Variants in PRIM2 observed in about 807,000 individuals in gnomAD.
PRIM2 encodes the protein DNA primase subunit 2, also known as DNA primase large subunit.
A neutral mutation model predicts 67.3 loss-of-function variants in PRIM2; 39 were observed. The observed-to-expected ratio is 0.58, with a 90% CI of 0.45 to 0.76. The LOEUF is 0.76. Among genes scored for constraint, PRIM2 ranks in the 30% least tolerant of loss-of-function variants. The pLI is 0.00. For missense variants in PRIM2, 398 were observed against 598.7 expected, an observed-to-expected ratio of 0.66 and a Z score of 3.50; for synonymous variants, 143 against 198.7, an observed-to-expected ratio of 0.72 and a Z score of 2.36.
chr6:57,266,552 A>G, the PRIM2 span, among the ~76,000 whole-genome samples: 28 of 152,230 alleles, frequency 1.8e-4, no homozygotes, highest in African/African-American at 6.3e-4. Flanking sequence ...CATATAACAT[A>G]TAGCGCAGAT....
At chr6:57,284,253 T>C in the PRIM2 span, among the ~76,000 whole-genome samples, 1 of 152,192 alleles carries the variant, frequency 6.6e-6, no homozygotes, top group East Asian at 1.9e-4. Flanking sequence ...ACTTAAATGT[T>C]TGCATGTCAG....
At chr6:57,627,663 A>T (rs1232129590) in intron 12 of PRIM2, among the ~76,000 whole-genome samples, 1 of 152,168 alleles carries the variant, frequency 6.6e-6, no homozygotes, top group Non-Finnish European at 1.5e-5. Flanking sequence ...CTGGGATTAC[A>T]GGTGTGAGCC....
At position 57,439,037 on chromosome 6, in the gene PRIM2, G is replaced by T. The variant is rs538582445; in HGVS notation, c.693+56869G>T. 6.0e-4 allele frequency among the ~76,000 whole-genome samples: 91 copies of T among 152,184 alleles called. 1 individual carries two copies. Among genetic ancestry groups the T allele is most frequent in the Middle Eastern group, 3.4e-3 (1 of 294 alleles). On this transcript the variant is annotated intron_variant, in intron 7 of 13. Coordinates refer to ENST00000615550, the MANE Select transcript of PRIM2 (RefSeq NM_000947.5). ...TGTTTGAGCTTTTTAAGGAAATGTTGCATCTTAGGATAGAAATCACTTAGT... is the reference window on the plus strand; with the variant it reads ...TGTTTGAGCTTTTTAAGGAAATGTTTCATCTTAGGATAGAAATCACTTAGT...
the PRIM2 span, among the ~76,000 whole-genome samples, chr6:57,300,936 G>A: frequency 2.6e-5 from 4 of 152,132 alleles, no homozygotes; most frequent in Non-Finnish European, 1.5e-5. Context: ...GGAGATTTTG[G>A]AGAAATAGGT....
intron 8 of PRIM2, among the ~76,000 whole-genome samples, chr6:57,528,769 G>A (rs1443529359): frequency 6.6e-6 from 1 of 152,162 alleles, no homozygotes. Flanking sequence ...TCCTCTACAG[G>A]ATCATGCTGT....
At chr6:57,555,356 T>A (rs1775492266) in intron 10 of PRIM2, among the ~76,000 whole-genome samples, 1 of 152,126 alleles carries the variant, frequency 6.6e-6, no homozygotes, top group Non-Finnish European at 1.5e-5. Flanking sequence ...CTTGGCTCAC[T>A]GCAAGCTCCA....
chr6:57,382,034 C>T lies in PRIM2; in HGVS notation c.559C>T (p.Pro187Ser), dbSNP rs780401401. Reference protein sequence around the residue: ...KLGFESIYKIPFADALDLFRG... With the variant: ...KLGFESIYKISFADALDLFRG... ...GCCTGTTTTACTCTTAATTCAGATC[C>T]CTTTTGCTGATGCTCTGGATTTGTT... The change falls in exon 7 of 14, where the codon CCT becomes TCT. Residue 187 changes from proline to serine, a missense_variant. Physicochemically the swap from Pro to Ser is moderately conservative, Grantham distance 74. This residue lies in a region of PRIM2 where 229 missense variants were observed against 383.6 expected (regional missense o/e 0.60). Transcript: ENST00000615550. The T allele has an allele frequency of 6.2e-7, 1 of 1,608,572 alleles. No individual in the cohort carries two copies. Among genetic ancestry groups the T allele is most frequent in the Non-Finnish European group, 8.5e-7 (1 of 1,176,884 alleles).
chr6:57,282,597 G>A, the PRIM2 span, among the ~76,000 whole-genome samples: 1 of 152,098 alleles, frequency 6.6e-6, no homozygotes, highest in Non-Finnish European at 1.5e-5. Context: ...TTGAAGATAG[G>A]GTCTTTAAAG....
chr6:57,497,301 A>G (rs1194068619), intron 7 of PRIM2, among the ~76,000 whole-genome samples: 7 of 152,282 alleles, frequency 4.6e-5, no homozygotes, highest in Admixed American at 3.9e-4. Flanking sequence ...TATCCAAGGG[A>G]GAAAAGTCAG....
chr6:57,588,876 G>C (rs1313979674), intron 10 of PRIM2, among the ~76,000 whole-genome samples: 2 of 152,086 alleles, frequency 1.3e-5, no homozygotes, highest in Admixed American at 1.3e-4. Flanking sequence ...TGGAAAGTCA[G>C]TTCCACCCCT....
chr6:57,534,707 G>A (rs1245586265), intron 9 of PRIM2, among the ~76,000 whole-genome samples: 2 of 152,164 alleles, frequency 1.3e-5, no homozygotes, highest in Admixed American at 6.5e-5. Flanking sequence ...GGCCTCTGAA[G>A]CCATATGTGC....
At chr6:57,633,034 A>G (rs1777061133) in intron 13 of PRIM2, among the ~76,000 whole-genome samples, 1 of 152,244 alleles carries the variant, frequency 6.6e-6, no homozygotes, top group Non-Finnish European at 1.5e-5. Flanking sequence ...AGAGGCCTAC[A>G]GAGATGGGGC....
intron 8 of PRIM2, among the ~76,000 whole-genome samples, chr6:57,515,110 A>G (rs1774455286): frequency 6.6e-6 from 1 of 152,230 alleles, no homozygotes; most frequent in Non-Finnish European, 1.5e-5. Flanking sequence ...AAAGTGGTCA[A>G]CTTTTAAAAT....
At chr6:57,429,385 G>T (rs1276012548) in intron 7 of PRIM2, among the ~76,000 whole-genome samples, 3 of 152,130 alleles carry the variant, frequency 2.0e-5, no homozygotes, top group African/African-American at 7.2e-5. Flanking sequence ...GAGAATGGGG[G>T]ATTTTCAGTA....
chr6:57,320,522 T>C lies in PRIM2; in HGVS notation c.220T>C (p.Leu74=), dbSNP rs777630854. Residue 74 remains leucine (L), a synonymous_variant, in exon 3 of 14, where the codon TTG becomes CTG. Transcript: ENST00000615550. Reference sequence around the variant, plus strand: ...AGGAACTGAACAATACCAGAGTAAGTTGGAGAGTGAGCTTCGGAAGCTCAA... The same window carrying C: ...AGGAACTGAACAATACCAGAGTAAGCTGGAGAGTGAGCTTCGGAAGCTCAA... ...VKGTEQYQSK[L]ESELRKLKFS... 9 of 1,609,886 alleles carry C rather than the reference T, an allele frequency of 5.6e-6. No individual in the cohort carries two copies. The Admixed American group carries it at 1.2e-4, about 21-fold the overall frequency.
chr6:57,501,814 A>G (rs1774138311), intron 7 of PRIM2, among the ~76,000 whole-genome samples: 1 of 152,196 alleles, frequency 6.6e-6, no homozygotes, highest in African/African-American at 2.4e-5. Flanking sequence ...GTCTTATTTG[A>G]ATACAGTCAT....
chr6:57,337,733 T>A (rs1023133711), intron 5 of PRIM2, among the ~76,000 whole-genome samples: 1 of 152,060 alleles, frequency 6.6e-6, no homozygotes, highest in African/African-American at 2.4e-5. Context: ...AAATATATAG[T>A]GCTAAATGCC....
At chr6:57,430,300 C>A (rs1165543738) in intron 7 of PRIM2, among the ~76,000 whole-genome samples, 1 of 152,060 alleles carries the variant, frequency 6.6e-6, no homozygotes, top group African/African-American at 2.4e-5. Flanking sequence ...AATTGCTACC[C>A]CTTTACATAC....
At chr6:57,344,030 G>C (rs530333052) in intron 5 of PRIM2, among the ~76,000 whole-genome samples, 48 of 152,190 alleles carry the variant, frequency 3.2e-4, no homozygotes, top group African/African-American at 9.9e-4. Context: ...TTACTTAGCA[G>C]GATTCTCACT....
Sources: allele counts gnomAD v4.1 joint callset (sites outside exome capture counted in the v4.1 genomes callset), GRCh38; gene constraint gnomAD v4.1.1; regional missense constraint gnomAD v4.1.1; transcripts MANE v1.5; gene names NCBI Gene and HGNC (gene_info 2026-07-23, HGNC 2026-07-21).